ABCC1: variants seen among roughly 807,000 people sequenced by gnomAD.
The protein encoded by ABCC1 is ATP binding cassette subfamily C member 1 (ABCC1 blood group).
A neutral mutation model predicts 172.9 loss-of-function variants in ABCC1; 83 were observed. The ratio of observed to expected loss-of-function variants is 0.48; its 90% CI spans 0.40 to 0.58. ABCC1 has a LOEUF of 0.58. Ranked by LOEUF, ABCC1 falls within the 20% of genes least tolerant of loss-of-function variation. The probability of loss-of-function intolerance (pLI) is 0.00; values close to 1 mark genes in which losing one functional copy is unlikely to be tolerated. For synonymous variants in ABCC1, 937 were observed against 825.2 expected, an observed-to-expected ratio of 1.14 and a Z score of -2.32; for missense variants, 1,817 against 2,002.7, an observed-to-expected ratio of 0.91 and a Z score of 1.77.
chr16:15,991,371 G>C (rs1459625519), intron 1 of ABCC1, among the ~76,000 whole-genome samples: 2 of 152,070 alleles, frequency 1.3e-5, no homozygotes, highest in African/African-American at 4.8e-5. Flanking sequence ...TGGCAAAACA[G>C]AGCGCCACTC....
chr16:16,120,971 G>A (rs2045126488), intron 23 of ABCC1, among the ~76,000 whole-genome samples: 1 of 152,164 alleles, frequency 6.6e-6, no homozygotes, highest in Non-Finnish European at 1.5e-5. Context: ...AATGCTTACT[G>A]TTAGGTCAAA....
In ABCC1 at chr16:16,007,932, C is replaced by G. The variant is rs1339980456; in HGVS notation, c.165C>G (p.Leu55=). 2.5e-6 allele frequency: 4 copies of G among 1,612,094 alleles called. No individual in the cohort carries two copies. The highest frequency in any genetic ancestry group is 3.4e-6 in the Non-Finnish European group (4 of 1,179,528). ...YLWACFPFYF[L]YLSRHDRGYI... ...GGGCCTGTTTCCCCTTCTACTTCCTCTATCTCTCCCGACATGACCGAGGCT... is the reference window on the plus strand; with the variant it reads ...GGGCCTGTTTCCCCTTCTACTTCCTGTATCTCTCCCGACATGACCGAGGCT... Residue 55 remains leucine, a synonymous_variant, in exon 2 of 31, where the codon CTC becomes CTG. Coordinates refer to ENST00000399410, the MANE Select transcript of ABCC1 (RefSeq NM_004996.4).
chr16:16,104,176 C>T (rs150126643), intron 20 of ABCC1, among the ~76,000 whole-genome samples: 259 of 152,224 alleles, frequency 1.7e-3, no homozygotes, highest in African/African-American at 5.3e-3. Flanking sequence ...AAAGATTTAT[C>T]GCAAAGAGTG....
chr16:15,967,781 A>C (rs1042431354), intron 1 of ABCC1, among the ~76,000 whole-genome samples: 5 of 151,528 alleles, frequency 3.3e-5, no homozygotes, highest in South Asian at 4.2e-4. Flanking sequence ...AACAACAAAA[A>C]AAAAACTTGT....
At chr16:16,009,455 G>A (rs753596529) in intron 2 of ABCC1, among the ~76,000 whole-genome samples, 3 of 152,124 alleles carry the variant, frequency 2.0e-5, no homozygotes, top group African/African-American at 4.8e-5. Flanking sequence ...GCAGTGCGCC[G>A]GAGTTGCAGC....
chr16:16,104,876 A>G (rs1469309968), intron 20 of ABCC1, among the ~76,000 whole-genome samples: 2 of 152,102 alleles, frequency 1.3e-5, no homozygotes, highest in Non-Finnish European at 2.9e-5. Flanking sequence ...CCCAGGTGCT[A>G]AGCCCCTCAC....
At chr16:16,131,768 C>T (rs1307910837) in intron 26 of ABCC1, 21 bp from the exon 27 acceptor site, 2 of 1,609,186 alleles carry the variant, frequency 1.2e-6, no homozygotes, top group South Asian at 1.1e-5. Flanking sequence ...TCCTTACTCT[C>T]TCCCTTCACT....
At chr16:16,036,646 T>A (rs1308346450) in intron 7 of ABCC1, 43 bp downstream of exon 7, 6 of 1,600,302 alleles carry the variant, frequency 3.7e-6, no homozygotes, top group Non-Finnish European at 5.1e-6. Context: ...CCTGGTCACC[T>A]CCTTTCCACT....
At chr16:16,055,922 G>A (rs2049630581) in intron 11 of ABCC1, among the ~76,000 whole-genome samples, 170 bp from the exon 12 acceptor site, 1 of 150,672 alleles carries the variant, frequency 6.6e-6, no homozygotes, top group Non-Finnish European at 1.5e-5. Context: ...ACCAGCCTGG[G>A]CAGCATGGTG....
intron 1 of ABCC1, among the ~76,000 whole-genome samples, chr16:16,000,525 C>T (rs1179479036): frequency 6.6e-6 from 1 of 152,062 alleles, no homozygotes. Flanking sequence ...GGGTTAAGGC[C>T]TGAATTTGAA....
At chr16:16,104,746 G>A (rs1009476895) in intron 20 of ABCC1, among the ~76,000 whole-genome samples, 8 of 152,150 alleles carry the variant, frequency 5.3e-5, no homozygotes, top group South Asian at 2.1e-4. Flanking sequence ...GGCTCGGGCC[G>A]CGCAGGAGCC....
chr16:16,082,603 A>G (rs1276729081), intron 16 of ABCC1, among the ~76,000 whole-genome samples: 1 of 152,170 alleles, frequency 6.6e-6, no homozygotes, highest in Non-Finnish European at 1.5e-5. Flanking sequence ...TTTAGCAAGG[A>G]TATTTCCTCA....
chr16:16,112,629 G>A (rs2044667557), intron 22 of ABCC1, among the ~76,000 whole-genome samples: 1 of 152,220 alleles, frequency 6.6e-6, no homozygotes, highest in African/African-American at 2.4e-5. Flanking sequence ...AAGTCACACA[G>A]CTAATACATG....
intron 22 of ABCC1, 38 bp downstream of exon 22, chr16:16,111,620 C>T (rs1352582500): frequency 6.4e-7 from 1 of 1,574,334 alleles, no homozygotes; most frequent in African/African-American, 1.3e-5. Flanking sequence ...TGATTTGGGC[C>T]CCTGTTGTGG....
chr16:16,079,624 C>T, intron 16 of ABCC1, 146 bp downstream of exon 16: 1 of 1,075,498 alleles, frequency 9.3e-7, no homozygotes. Context: ...TATCTTTCCA[C>T]TGTCTCTTTC....
At chr16:16,093,791 T>C (rs1450247039) in intron 19 of ABCC1, among the ~76,000 whole-genome samples, 5 of 152,142 alleles carry the variant, frequency 3.3e-5, no homozygotes, top group Admixed American at 1.3e-4. Context: ...GTTGGATTAA[T>C]CAGCTCTTTT....
chr16:16,086,675 C>T (rs2051019563), intron 17 of ABCC1, 149 bp from the exon 18 acceptor site: 1 of 787,332 alleles, frequency 1.3e-6, no homozygotes, highest in East Asian at 2.4e-5. Context: ...CCCTATATTG[C>T]TCAGGCTGGT....
In ABCC1 at chr16:16,101,324, G is replaced by A. The variant is rs187842610; in HGVS notation, c.2645-1303G>A. 3.8e-3 allele frequency among the ~76,000 whole-genome samples: 576 copies of A among 152,200 alleles called. 3 individuals carry two copies. The highest frequency in any genetic ancestry group is 0.012 in the African/African-American group (489 of 41,528). On this transcript the variant is annotated intron_variant, in intron 19 of 30. Transcript: ENST00000399410. ...CTGGGGATTACAGGTGTGAGCCACC[G>A]TGCCCGGCGGCCACCTGCTCATTTA...
At chr16:15,998,220 G>A (rs1306090474) in intron 1 of ABCC1, among the ~76,000 whole-genome samples, 3 of 151,988 alleles carry the variant, frequency 2.0e-5, no homozygotes, top group African/African-American at 7.3e-5. Flanking sequence ...AAGCCCCTAG[G>A]CTCAAAAGAT....
Sources: gnomAD v4.1 joint callset for allele counts (sites outside exome capture counted in the v4.1 genomes callset) on GRCh38, gnomAD v4.1.1 for gene constraint, MANE v1.5 for transcripts, NCBI Gene and HGNC (gene_info 2026-07-23, HGNC 2026-07-21) for gene names.